TBC1D9: variants seen among roughly 807,000 people sequenced by gnomAD.
TBC1D9 encodes TBC1 domain family member 9, also known as TBC1 domain family member 9A.
In TBC1D9, 63 loss-of-function variants were observed where a neutral mutation model predicts 132.0. That is an observed-to-expected ratio of 0.48 (90% CI 0.39 to 0.59). The LOEUF (loss-of-function observed/expected upper bound fraction) is 0.59, where lower values mean the gene tolerates loss of function less well. Among genes scored for constraint, TBC1D9 ranks in the 20% least tolerant of loss-of-function variants. The pLI is 0.00. For synonymous variants in TBC1D9, 610 were observed against 609.9 expected (o/e 1.00, Z 0.00); for missense variants, 1,261 against 1,592.7 (o/e 0.79, Z 3.54).
chr4:140,651,654 C>T (rs921499969), intron 13 of TBC1D9, among the ~76,000 whole-genome samples: 1 of 152,026 alleles, frequency 6.6e-6, no homozygotes, highest in Admixed American at 6.5e-5. Flanking sequence ...GTTAGAGACA[C>T]ATAATGAAGA....
At chr4:140,661,189 C>T (rs948582962) in intron 10 of TBC1D9, among the ~76,000 whole-genome samples, 39 of 152,284 alleles carry the variant, frequency 2.6e-4, no homozygotes, top group African/African-American at 8.4e-4. Context: ...GTTGGGATTA[C>T]GGGCGTGAGC....
At chr4:140,725,110 C>A (rs1738478270) in intron 1 of TBC1D9, among the ~76,000 whole-genome samples, 1 of 152,022 alleles carries the variant, frequency 6.6e-6, no homozygotes. Context: ...ATGTACACGG[C>A]TATTTATTGC....
Position 140,755,802 on chromosome 4 carries a change from G to T in TBC1D9, c.130+114C>A, listed in dbSNP as rs1277525148. The T allele has an allele frequency of 2.2e-6, 3 of 1,364,396 alleles. No homozygotes were observed. The African/African-American group carries it at 4.7e-5, about 21-fold the overall frequency. The allele number at this position is 1,364,396 out of a possible 1,614,324, so 84.5% of individuals were successfully genotyped here. On this transcript the variant is annotated intron_variant, in intron 1 of 20. Transcript: ENST00000442267. ...TGCCTCGCATACAACGAGGCAGGGC[G>T]GGTCGCCCAGCCCCAGGGGACCGGG...
Position 140,686,440 on chromosome 4 carries a change from A to C in TBC1D9, c.264T>G (p.Thr88=). 1 of 1,609,814 alleles carries C rather than the reference A, an allele frequency of 6.2e-7. No homozygotes were observed. The highest frequency in any genetic ancestry group is 8.5e-7 in the Non-Finnish European group (1 of 1,177,234). ...TTTGCTCAAGCCATTCCCAGTGTTC[A>C]GTGATTTCTTTCCTGGAACCACCTG... The part of the protein sequence containing the change: ...IACGGSRKEI[T]EHWEWLEQNL... Residue 88 remains threonine (T), a synonymous_variant, in exon 3 of 21, where the codon ACT becomes ACG. Coordinates refer to ENST00000442267, the MANE Select transcript of TBC1D9 (RefSeq NM_015130.3).
chr4:140,661,136 G>C (rs568304768), intron 10 of TBC1D9, among the ~76,000 whole-genome samples: 11 of 152,068 alleles, frequency 7.2e-5, no homozygotes, highest in Admixed American at 2.0e-4. Flanking sequence ...GGATGGTCTC[G>C]ATCTCCTGAC....
Position 140,689,894 on chromosome 4 carries a change from G to A in TBC1D9, c.242-3432C>T, listed in dbSNP as rs558673408. On this transcript the variant is annotated intron_variant, in intron 2 of 20. Transcript: ENST00000442267. ...CTCCCCAGTAGCTGGCATTACTGGTGTGTCTCACTACACCCTGTTAATTGT... is the reference window on the plus strand; with the variant it reads ...CTCCCCAGTAGCTGGCATTACTGGTATGTCTCACTACACCCTGTTAATTGT... Among the ~76,000 whole-genome samples, 3 of 149,902 alleles carry A rather than the reference G, an allele frequency of 2.0e-5. No homozygotes were observed. In the South Asian group the frequency reaches 6.4e-4, roughly 32 times the overall value.
rs1204083235 is a variant in TBC1D9 at position 140,679,169 on chromosome 4, C to G, written c.624G>C (p.Gln208His). 6.2e-7 allele frequency: 1 copy of G among 1,613,768 alleles called. No individual in the cohort carries two copies. The highest frequency in any genetic ancestry group is 8.5e-7 in the Non-Finnish European group (1 of 1,179,812). ...KLVIRWVDIT[Q>H]LEKNATLLLP... ...GAAGCAGGGTGGCATTCTTCTCAAG[C>G]TGAGTGATGTCTACCCACCGGATGA... Residue 208 changes from glutamine to histidine, a missense_variant, in exon 5 of 21, where the codon CAG becomes CAC. By Grantham distance (24) the Gln-to-His change is conservative (BLOSUM62 0). Around this residue, in one of 3 missense-constraint regions of TBC1D9, gnomAD observed 550 missense variants for 699.0 expected, o/e 0.79. Transcript: ENST00000442267.
chr4:140,737,052 C>T (rs1215461116), intron 1 of TBC1D9, among the ~76,000 whole-genome samples: 2 of 152,150 alleles, frequency 1.3e-5, no homozygotes, highest in African/African-American at 2.4e-5. Flanking sequence ...ACTGTTCCAC[C>T]TCTGATCATC....
intron 1 of TBC1D9, among the ~76,000 whole-genome samples, chr4:140,755,667 A>T (rs1738999255): frequency 6.6e-6 from 1 of 152,162 alleles, no homozygotes; most frequent in South Asian, 2.1e-4. Context: ...ACTCTTTCCC[A>T]TTCTCCTCAA....
chr4:140,648,748 T>C (rs1038354957), intron 13 of TBC1D9, among the ~76,000 whole-genome samples: 3 of 152,176 alleles, frequency 2.0e-5, no homozygotes, highest in African/African-American at 4.8e-5. Flanking sequence ...TGGGTACTGA[T>C]ACCAACCAAC....
At chr4:140,722,590 C>A (rs1263308738) in intron 1 of TBC1D9, among the ~76,000 whole-genome samples, 4 of 152,120 alleles carry the variant, frequency 2.6e-5, no homozygotes, top group African/African-American at 4.8e-5. Flanking sequence ...TGGGGAGAAG[C>A]TAGGCTGGCA....
intron 1 of TBC1D9, among the ~76,000 whole-genome samples, chr4:140,735,371 T>C (rs1202318831): frequency 6.6e-6 from 1 of 152,138 alleles, no homozygotes; most frequent in Non-Finnish European, 1.5e-5. Flanking sequence ...TTTAATGAAA[T>C]GGGTTATAGG....
At chr4:140,734,858 T>C (rs1437641438) in intron 1 of TBC1D9, among the ~76,000 whole-genome samples, 1 of 152,134 alleles carries the variant, frequency 6.6e-6, no homozygotes, top group African/African-American at 2.4e-5. Flanking sequence ...TTTCAGTATC[T>C]CATTTAACCC....
chr4:140,729,721 G>A (rs1738557289), intron 1 of TBC1D9, among the ~76,000 whole-genome samples: 1 of 150,254 alleles, frequency 6.7e-6, no homozygotes, highest in African/African-American at 2.5e-5. Context: ...TCAGAAGGCT[G>A]AGGCAGGAGA....
At position 140,643,097 on chromosome 4, in the gene TBC1D9, G is replaced by A; in HGVS notation, c.2338-3669C>T. The A allele has an allele frequency of 3.6e-6, 5 of 1,381,448 alleles. No individual in the cohort carries two copies. In the South Asian group the frequency reaches 6.3e-5, roughly 17 times the overall value. The allele number at this position is 1,381,448 out of a possible 1,614,324, so 85.6% of individuals were successfully genotyped here. Reference sequence around the variant, plus strand: ...ACTTATTGTGGGCTTCAGCTCCCGTGGGAGCCGCAGGTTCTTGAGCGGGTC... The same window carrying A: ...ACTTATTGTGGGCTTCAGCTCCCGTAGGAGCCGCAGGTTCTTGAGCGGGTC... On this transcript the variant is annotated intron_variant, in intron 13 of 20. Coordinates refer to ENST00000442267, the MANE Select transcript of TBC1D9 (RefSeq NM_015130.3).
At chr4:140,737,234 C>A (rs1738688121) in intron 1 of TBC1D9, among the ~76,000 whole-genome samples, 1 of 152,014 alleles carries the variant, frequency 6.6e-6, no homozygotes, top group Admixed American at 6.6e-5. Flanking sequence ...TTTGGGGACC[C>A]CTGCTCTACA....
At chr4:140,713,014 A>G (rs923322768) in intron 1 of TBC1D9, among the ~76,000 whole-genome samples, 1 of 152,208 alleles carries the variant, frequency 6.6e-6, no homozygotes, top group Non-Finnish European at 1.5e-5. Context: ...CTTCTAAGCT[A>G]TATGTCTACA....
intron 6 of TBC1D9, among the ~76,000 whole-genome samples, chr4:140,674,268 C>G (rs561813354): frequency 2.0e-5 from 3 of 152,112 alleles, no homozygotes; most frequent in Admixed American, 6.6e-5. Context: ...AGAATTTACC[C>G]ACAACATATC....
intron 2 of TBC1D9, chr4:140,700,879 A>C (rs995039122): frequency 6.6e-6 from 1 of 152,236 alleles, no homozygotes; most frequent in Non-Finnish European, 1.5e-5. Flanking sequence ...GAAAGAGTAG[A>C]AAAGGAGTTC....
Sources: gnomAD v4.1 joint callset for allele counts (sites outside exome capture counted in the v4.1 genomes callset) on GRCh38, gnomAD v4.1.1 for gene constraint, gnomAD v4.1.1 regional missense constraint, MANE v1.5 for transcripts, NCBI Gene and HGNC (gene_info 2026-07-23, HGNC 2026-07-21) for gene names.